The following KLHL13 variants were observed in gnomAD, a reference collection of about 807,000 sequenced individuals.
KLHL13 encodes the protein kelch-like protein 13.
In KLHL13, 10 loss-of-function variants were observed where a neutral mutation model predicts 37.1. The observed-to-expected ratio is 0.27, with a 90% CI of 0.17 to 0.46. The LOEUF (loss-of-function observed/expected upper bound fraction) is 0.46. Among genes scored for constraint, KLHL13 ranks in the 20% least tolerant of loss-of-function variants. The probability of loss-of-function intolerance (pLI) is 1.00; values close to 1 mark genes in which losing one functional copy is unlikely to be tolerated. For missense variants in KLHL13, 360 were observed against 509.3 expected, an observed-to-expected ratio of 0.71 and a Z score of 2.82; for synonymous variants, 163 against 181.2, an observed-to-expected ratio of 0.90 and a Z score of 0.81.
At chrX:117,930,267 A>T (rs1207929126) in intron 2 of KLHL13, among the ~76,000 whole-genome samples, 1 of 95,944 alleles carries the variant, frequency 1.0e-5, no homozygotes, top group Non-Finnish European at 2.1e-5. Context: ...GAAGGAAGGA[A>T]GGAAGGAAGG....
At position 117,988,667 on chromosome X, in the gene KLHL13, G is replaced by T. The variant is rs138303853; in HGVS notation, c.-55-43092C>A. Among the ~76,000 whole-genome samples, 648 of 111,874 alleles carry T rather than the reference G, an allele frequency of 5.8e-3. 5 individuals are homozygous for T. Among genetic ancestry groups the T allele is most frequent in the African/African-American group, 0.018 (557 of 30,913 alleles). On this transcript the variant is annotated intron_variant, in intron 1 of 6. Transcript: ENST00000371882. ...TCATTTGCTGCTACTAATAACTGCT[G>T]CCTGCATTGTCACTGAATTAGGAAA...
At chrX:118,031,622 GTTGTATATATATTTAGTTA>G (rs2054349244) in intron 1 of KLHL13, among the ~76,000 whole-genome samples, 1 of 93,081 alleles carries the variant, frequency 1.1e-5, no homozygotes, top group Non-Finnish European at 2.1e-5. Context: ...TATATATTTA[GTTGTATATATATTTAGTTA>G]TATATATATA....
chrX:117,945,810 G>C (rs1933293417), intron 1 of KLHL13: 1 of 269,621 alleles, frequency 3.7e-6, no homozygotes, highest in Non-Finnish European at 6.5e-6. Context: ...CAACTTAAAA[G>C]GTGGTTCAAA....
intron 1 of KLHL13, among the ~76,000 whole-genome samples, chrX:118,037,915 T>C (rs2054467962): frequency 9.0e-6 from 1 of 111,338 alleles, no homozygotes. Flanking sequence ...ACTGATTGAC[T>C]AAAAGATCAT....
intron 1 of KLHL13, among the ~76,000 whole-genome samples, chrX:118,108,330 T>C (rs1459808088): frequency 8.9e-6 from 1 of 112,277 alleles, no homozygotes; most frequent in African/African-American, 3.2e-5. Flanking sequence ...CTGTGAACTA[T>C]GTCTGGCATG....
chrX:118,097,660 C>A (rs1306781042), intron 1 of KLHL13, among the ~76,000 whole-genome samples: 1 of 111,827 alleles, frequency 8.9e-6, no homozygotes, highest in Non-Finnish European at 1.9e-5. Context: ...GGAGGCATCA[C>A]ACTACCTGCT....
At chrX:118,016,488 T>C (rs2054129781) in intron 1 of KLHL13, among the ~76,000 whole-genome samples, 1 of 111,687 alleles carries the variant, frequency 9.0e-6, no homozygotes, top group Admixed American at 9.5e-5. Context: ...AAAATCACCA[T>C]CCAGTAATTG....
upstream of KLHL13, among the ~76,000 whole-genome samples, chrX:117,976,763 A>G: frequency 8.9e-6 from 1 of 112,065 alleles, no homozygotes; most frequent in East Asian, 2.8e-4. Context: ...TTTTATGAAC[A>G]TTAACTAATC....
intron 1 of KLHL13, among the ~76,000 whole-genome samples, chrX:118,026,233 AC>A (rs2054273868): frequency 8.9e-6 from 1 of 111,984 alleles, no homozygotes; most frequent in Non-Finnish European, 1.9e-5. Flanking sequence ...GAATTGAAAA[AC>A]ACAAATACTA....
intron 5 of KLHL13, among the ~76,000 whole-genome samples, chrX:117,903,724 G>T (rs1930310144): frequency 9.0e-6 from 1 of 110,995 alleles, no homozygotes; most frequent in Admixed American, 9.7e-5. Flanking sequence ...GCTTTTAGAA[G>T]TAATTAAACC....
rs141557686 is a variant in KLHL13, at chrX:117,909,659, C to T, written c.1008G>A (p.Arg336=). The T allele has an allele frequency of 2.4e-5, 29 of 1,210,052 alleles. No homozygotes were observed. In the African/African-American group the frequency reaches 3.5e-4, roughly 15 times the overall value. The change falls in exon 5 of 7, where the codon AGG becomes AGA. Residue 336 remains arginine (R), a synonymous_variant. Transcript: ENST00000262820. ...GTGTAACCAAGTGAGTGGTGTCAGA[C>T]CTAATGGCAGTCCTGTCTGACTGCA... is the stretch of plus-strand genomic sequence containing the variant.
At chrX:118,024,241 CT>C (rs1382569144) in intron 1 of KLHL13, among the ~76,000 whole-genome samples, 2 of 112,051 alleles carry the variant, frequency 1.8e-5, no homozygotes, top group Non-Finnish European at 3.8e-5. Flanking sequence ...TATGTGGAAT[CT>C]AGGCCATACA....
At chrX:117,910,898 C>T (rs1486331123) in intron 4 of KLHL13, among the ~76,000 whole-genome samples, 5 of 111,122 alleles carry the variant, frequency 4.5e-5, no homozygotes, top group African/African-American at 1.3e-4. Flanking sequence ...GAACCATCTC[C>T]CCACCATAGA....
intron 1 of KLHL13, among the ~76,000 whole-genome samples, chrX:117,984,116 T>TA (rs1256804442): frequency 8.9e-6 from 1 of 111,781 alleles, no homozygotes; most frequent in African/African-American, 3.2e-5. Context: ...TACTGTCTCC[T>TA]AACCAGAAGA....
intron 1 of KLHL13, among the ~76,000 whole-genome samples, chrX:118,016,939 C>T (rs1449048781): frequency 8.9e-6 from 1 of 111,880 alleles, no homozygotes; most frequent in Non-Finnish European, 1.9e-5. Flanking sequence ...AAGTATTTCA[C>T]AAATGCATTC....
chrX:117,965,076 A>G (rs1305113381), intron 1 of KLHL13, among the ~76,000 whole-genome samples: 1 of 112,066 alleles, frequency 8.9e-6, no homozygotes, highest in Non-Finnish European at 1.9e-5. Flanking sequence ...ATAGCAGCAT[A>G]AATTATAATC....
chrX:118,006,759 T>C (rs2053988329), intron 1 of KLHL13, among the ~76,000 whole-genome samples: 1 of 111,515 alleles, frequency 9.0e-6, no homozygotes, highest in Non-Finnish European at 1.9e-5. Flanking sequence ...CTGGTACCAC[T>C]GTTAAGTTGG....
rs186068073 is a variant in KLHL13 at position 117,939,647 on chromosome X, T to C, written c.240+5787A>G. Among the ~76,000 whole-genome samples the C allele has an allele frequency of 7.7e-3, 869 of 112,366 alleles. 7 individuals are homozygous for C. The highest frequency in any genetic ancestry group is 0.014 in the Non-Finnish European group (728 of 53,244). On this transcript the variant is annotated intron_variant, in intron 2 of 6. Transcript: ENST00000262820. ...GATCACCATTCTAACTGGCATGAGA[T>C]GGTATCTCCTTGTGGTTTTGATTTG...
At chrX:117,909,189 A>C (rs568864192) in intron 5 of KLHL13, 112 bp downstream of exon 6, 1 of 665,197 alleles carries the variant, frequency 1.5e-6, no homozygotes, top group East Asian at 3.6e-5. Context: ...TAGTTTTAAA[A>C]TAAAACCCTA....
Sources: allele counts gnomAD v4.1 joint callset (sites outside exome capture counted in the v4.1 genomes callset), GRCh38; gene constraint gnomAD v4.1.1; transcripts MANE v1.5; gene names NCBI Gene and HGNC (gene_info 2026-07-23, HGNC 2026-07-21).